Variants in MEGF10 observed in about 807,000 individuals in gnomAD.
The protein encoded by MEGF10 is multiple EGF like domains 10.
MEGF10 carries 86 observed loss-of-function variants against 147.5 expected under a neutral mutation model. That is an observed-to-expected ratio of 0.58 (90% CI 0.49 to 0.70). MEGF10 has a LOEUF of 0.70. Ranked by LOEUF, MEGF10 falls within the 30% of genes least tolerant of loss-of-function variation. The pLI is 0.00. For synonymous variants in MEGF10, 478 were observed against 525.5 expected (o/e 0.91, Z 1.24); for missense variants, 1,329 against 1,487.3 (o/e 0.89, Z 1.75).
chr5:127,247,256 C>G, the MEGF10 span, among the ~76,000 whole-genome samples: 2 of 135,450 alleles, frequency 1.5e-5, no homozygotes, highest in South Asian at 2.4e-4. Flanking sequence ...TATTATTATT[C>G]CAAAAGACAG....
intron 13 of MEGF10, among the ~76,000 whole-genome samples, chr5:127,428,512 A>G (rs1765283579): frequency 6.6e-6 from 1 of 152,164 alleles, no homozygotes; most frequent in South Asian, 2.1e-4. Context: ...ACGCTACACT[A>G]CACTACACTA....
chr5:127,377,652 G>A (rs1236667603), intron 5 of MEGF10, among the ~76,000 whole-genome samples: 5 of 152,120 alleles, frequency 3.3e-5, no homozygotes, highest in South Asian at 4.1e-4. Context: ...CAGGATATTC[G>A]AATGGGGGGA....
intron 1 of MEGF10, among the ~76,000 whole-genome samples, chr5:127,309,829 C>A (rs1048594357): frequency 6.6e-6 from 1 of 152,020 alleles, no homozygotes; most frequent in African/African-American, 2.4e-5. Flanking sequence ...ATTGCTGCAA[C>A]ATATGGTAAT....
intron 4 of MEGF10, among the ~76,000 whole-genome samples, chr5:127,342,664 T>C (rs1275009785): frequency 2.0e-5 from 3 of 152,126 alleles, no homozygotes; most frequent in African/African-American, 7.2e-5. Flanking sequence ...AGTTAGGCAA[T>C]TCCACTGGCA....
intron 9 of MEGF10, among the ~76,000 whole-genome samples, chr5:127,412,419 C>G (rs1299648560): frequency 1.3e-5 from 2 of 152,156 alleles, no homozygotes; most frequent in African/African-American, 4.8e-5. Context: ...TCCCTTCAAA[C>G]CAAAAGGCAT....
At chr5:127,231,131 T>C in the MEGF10 span, among the ~76,000 whole-genome samples, 1 of 152,246 alleles carries the variant, frequency 6.6e-6, no homozygotes, top group Non-Finnish European at 1.5e-5. Flanking sequence ...CCTGAGTTTA[T>C]GCAGTAGTCT....
At position 127,433,418 on chromosome 5, in the gene MEGF10, G is replaced by A; in HGVS notation, c.1749G>A (p.Leu583=). ...AEGRWGPNCS[L]PCYCKNGASC... ...GACGCTGGGGCCCCAACTGCTCCCT[G>A]CCCTGCTACTGTAAAAATGGGGCTT... The change falls in exon 14 of 25, where the codon CTG becomes CTA. Residue 583 remains leucine (L), a synonymous_variant. Transcript: ENST00000503335. The A allele has an allele frequency of 6.2e-7, 1 of 1,614,114 alleles. No individual in the cohort carries two copies. Among genetic ancestry groups the A allele is most frequent in the Non-Finnish European group, 8.5e-7 (1 of 1,179,986 alleles).
the MEGF10 span, among the ~76,000 whole-genome samples, chr5:127,279,542 A>G: frequency 6.6e-6 from 1 of 152,136 alleles, no homozygotes; most frequent in African/African-American, 2.4e-5. Context: ...GCCACACTGG[A>G]TCTCCACGGG....
At chr5:127,428,730 A>G (rs1765289821) in intron 13 of MEGF10, among the ~76,000 whole-genome samples, 1 of 152,196 alleles carries the variant, frequency 6.6e-6, no homozygotes. Context: ...CGCTCCAAAT[A>G]TTGGAATACT....
chr5:127,335,422 T>C (rs950083482), intron 2 of MEGF10, among the ~76,000 whole-genome samples: 2 of 152,182 alleles, frequency 1.3e-5, no homozygotes, highest in African/African-American at 4.8e-5. Context: ...GAGGAACTAA[T>C]TAAGTTCCAT....
Position 127,457,864 on chromosome 5 carries a change from A to G in MEGF10, c.*546A>G, listed in dbSNP as rs1434806526. 6.6e-6 allele frequency: 1 copy of G among 152,648 alleles called. No individual in the cohort carries two copies. The highest frequency in any genetic ancestry group is 1.5e-5 in the Non-Finnish European group (1 of 68,332). 9.5% of individuals were successfully genotyped at this position (152,648 alleles called of 1,614,324 possible). A position where few individuals can be genotyped will look rare whatever the true frequency, so the allele number is the denominator to read the frequency against. ...TGAATGCAGGAGGAAACATTCTGTC[A>G]GGCGGTATGACTGGACAGACTTTGA... On this transcript the variant is annotated 3_prime_UTR_variant, in exon 25 of 25. Transcript: ENST00000503335.
chr5:127,247,024 C>A, the MEGF10 span, among the ~76,000 whole-genome samples: 1 of 39,758 alleles, frequency 2.5e-5, no homozygotes. Context: ...ACCATACATA[C>A]ATAAATGAAT....
intron 1 of MEGF10, among the ~76,000 whole-genome samples, chr5:127,298,592 G>A (rs565673876): frequency 6.6e-6 from 1 of 152,286 alleles, no homozygotes; most frequent in African/African-American, 2.4e-5. Context: ...TTAACAAGGT[G>A]TGCTGATGCA....
intron 18 of MEGF10, among the ~76,000 whole-genome samples, chr5:127,441,993 GA>G (rs778951067): frequency 4.6e-5 from 7 of 152,200 alleles, no homozygotes; most frequent in African/African-American, 1.7e-4. Flanking sequence ...ATTGAGTCAT[GA>G]AAACAGATCC....
intron 13 of MEGF10, among the ~76,000 whole-genome samples, chr5:127,429,469 A>G (rs1382300256): frequency 6.6e-6 from 1 of 152,232 alleles, no homozygotes; most frequent in Non-Finnish European, 1.5e-5. Flanking sequence ...GGTCCTGAAT[A>G]TCATACAGGA....
intron 8 of MEGF10, among the ~76,000 whole-genome samples, 171 bp downstream of exon 8, chr5:127,402,853 G>GA (rs756135352): frequency 5.9e-4 from 89 of 151,952 alleles, no homozygotes; most frequent in Non-Finnish European, 7.9e-4. Flanking sequence ...TCAGTGTATA[G>GA]AAACTGAATT....
intron 24 of MEGF10, among the ~76,000 whole-genome samples, chr5:127,456,698 T>C (rs1766374307): frequency 1.3e-5 from 2 of 152,228 alleles, no homozygotes; most frequent in Non-Finnish European, 2.9e-5. Flanking sequence ...CACAGTAGGA[T>C]GGGAACTCAA....
intron 16 of MEGF10, among the ~76,000 whole-genome samples, chr5:127,436,144 A>G (rs550359109): frequency 6.6e-6 from 1 of 152,304 alleles, no homozygotes; most frequent in Admixed American, 6.5e-5. Flanking sequence ...ATCTGGTTTC[A>G]TTCATTTTAA....
intron 22 of MEGF10, among the ~76,000 whole-genome samples, chr5:127,450,389 C>A (rs1180052216): frequency 6.6e-6 from 1 of 152,116 alleles, no homozygotes; most frequent in East Asian, 1.9e-4. Flanking sequence ...ATCTCATAGG[C>A]CTCCTGAAAA....
Sources: allele counts gnomAD v4.1 joint callset (sites outside exome capture counted in the v4.1 genomes callset), GRCh38; gene constraint gnomAD v4.1.1; transcripts MANE v1.5; gene names NCBI Gene and HGNC (gene_info 2026-07-23, HGNC 2026-07-21).